CTDSPL2: variants seen among roughly 807,000 people sequenced by gnomAD.
The protein encoded by CTDSPL2 is CTD small phosphatase-like protein 2.
A neutral mutation model predicts 60.0 loss-of-function variants in CTDSPL2; 5 were observed. The observed-to-expected ratio is 0.08, with a 90% confidence interval of 0.04 to 0.18. The LOEUF is 0.18. Ranked by LOEUF, CTDSPL2 falls within the 10% of genes least tolerant of loss-of-function variation. CTDSPL2 has a pLI of 1.00. For missense variants in CTDSPL2, 370 were observed against 548.8 expected (o/e 0.67, Z 3.26); for synonymous variants, 186 against 189.3 (o/e 0.98, Z 0.14).
intron 2 of CTDSPL2, among the ~76,000 whole-genome samples, chr15:44,462,306 G>C (rs551364513): frequency 1.3e-5 from 2 of 152,148 alleles, no homozygotes; most frequent in African/African-American, 4.8e-5. Flanking sequence ...CTGTTGGTCA[G>C]CAAATTTTGG....
At chr15:44,428,537 A>G (rs187724711) in intron 1 of CTDSPL2, among the ~76,000 whole-genome samples, 1 of 152,368 alleles carries the variant, frequency 6.6e-6, no homozygotes, top group Admixed American at 6.5e-5. Flanking sequence ...TGTGTGAATG[A>G]TGTTAAACAC....
Position 44,477,626 on chromosome 15 carries a change from C to G in CTDSPL2, c.187-6598C>G, listed in dbSNP as rs376013123. ...CCAAGGTGGGCAGATCACCTGAGGTCGGGAGTTCAAGACCAGCCTGACCAA... is the reference window on the plus strand; with the variant it reads ...CCAAGGTGGGCAGATCACCTGAGGTGGGGAGTTCAAGACCAGCCTGACCAA... On this transcript the variant is annotated intron_variant, in intron 2 of 12. Coordinates refer to ENST00000260327, the MANE Select transcript of CTDSPL2 (RefSeq NM_016396.3). Among the ~76,000 whole-genome samples the G allele has an allele frequency of 2.0e-5, 3 of 151,874 alleles. No homozygotes were observed. In the East Asian group the frequency reaches 5.8e-4, roughly 29 times the overall value.
Position 44,525,571 on chromosome 15 carries a change from A to G in CTDSPL2, c.*1397A>G. ...TCTAAAGAGAAGTTTGATATTTTGT[A>G]TGCTTGTTAAGAAAGTACAGTATTG... is the stretch of plus-strand genomic sequence containing the variant. On this transcript the variant is annotated 3_prime_UTR_variant, in exon 13 of 13. Coordinates refer to ENST00000260327, the MANE Select transcript of CTDSPL2 (RefSeq NM_016396.3). 5.0e-6 allele frequency: 2 copies of G among 398,408 alleles called. No individual in the cohort carries two copies. Among genetic ancestry groups the G allele is most frequent in the East Asian group, 3.6e-5 (1 of 28,044 alleles). The allele number at this position is 398,408 out of a possible 1,614,324, so 24.7% of individuals were successfully genotyped here.
intron 8 of CTDSPL2, among the ~76,000 whole-genome samples, chr15:44,510,047 C>T (rs192264789): frequency 7.9e-5 from 12 of 151,340 alleles, no homozygotes; most frequent in Admixed American, 3.9e-4. Flanking sequence ...AGTGCAGTAG[C>T]GCATCTTGGC....
rs971892136 is a variant in CTDSPL2 at position 44,526,812 on chromosome 15, ACT to A, written c.*2641_*2642del. On this transcript the variant is annotated 3_prime_UTR_variant, in exon 13 of 13. Transcript: ENST00000260327. ...CCTTCAGCTCACACAGGAAACATGA[ACT>A]CTTAAAAAACTGACTAGTAAATGCA... The A allele has an allele frequency of 2.0e-5, 3 of 152,310 alleles. No individual in the cohort carries two copies. Among genetic ancestry groups the A allele is most frequent in the Admixed American group, 2.0e-4 (3 of 15,260 alleles). 9.4% of individuals were successfully genotyped at this position (152,310 alleles called of 1,614,324 possible).
chr15:44,446,050 C>T (rs930595802), intron 1 of CTDSPL2, among the ~76,000 whole-genome samples: 1 of 151,604 alleles, frequency 6.6e-6, no homozygotes, highest in Non-Finnish European at 1.5e-5. Flanking sequence ...CTCAGCCTCC[C>T]AAGTAGCTGG....
intron 1 of CTDSPL2, chr15:44,448,573 C>T (rs189165608): frequency 7.9e-5 from 23 of 291,576 alleles, no homozygotes; most frequent in African/African-American, 4.8e-4. Flanking sequence ...CTTTATTCTG[C>T]CCATGTTCAT....
At chr15:44,474,932 T>A (rs2080885670) in intron 2 of CTDSPL2, among the ~76,000 whole-genome samples, 2 of 152,072 alleles carry the variant, frequency 1.3e-5, no homozygotes, top group South Asian at 4.1e-4. Flanking sequence ...TGCTCTTGCA[T>A]AGCTAGCACA....
chr15:44,466,818 AG>A (rs2080705335), intron 2 of CTDSPL2, among the ~76,000 whole-genome samples: 6 of 151,654 alleles, frequency 4.0e-5, no homozygotes, highest in African/African-American at 7.3e-5. Flanking sequence ...GGGCGCCTGT[AG>A]TCCCAGCTAC....
chr15:44,463,110 A>G (rs1464344836), intron 2 of CTDSPL2, among the ~76,000 whole-genome samples: 1 of 152,110 alleles, frequency 6.6e-6, no homozygotes, highest in East Asian at 1.9e-4. Context: ...ATGTTACATA[A>G]GATCGGGCAA....
chr15:44,474,626 C>A (rs2080878599), intron 2 of CTDSPL2, among the ~76,000 whole-genome samples: 1 of 152,138 alleles, frequency 6.6e-6, no homozygotes, highest in African/African-American at 2.4e-5. Flanking sequence ...GAGGCTGAGG[C>A]AGGCGGATCA....
In CTDSPL2 at chr15:44,427,640, G is replaced by A. The variant is rs1288618526; in HGVS notation, c.-157G>A. The A allele has an allele frequency of 1.0e-5, 4 of 399,270 alleles. No individual in the cohort carries two copies. Among genetic ancestry groups the A allele is most frequent in the Non-Finnish European group, 1.3e-5 (3 of 226,228 alleles). 24.7% of individuals were successfully genotyped at this position (399,270 alleles called of 1,614,324 possible). A position where few individuals can be genotyped will look rare whatever the true frequency, so the allele number is the denominator to read the frequency against. The stretch of plus-strand genomic sequence containing the variant: ...CCTGTCCGTGCGGTGCAGCAGGTCG[G>A]TAGGCGGGAAATGGCGACTGGCTGA... On this transcript the variant is annotated 5_prime_UTR_variant, in exon 1 of 13. Transcript: ENST00000260327.
chr15:44,445,087 G>A (rs1334313685), intron 1 of CTDSPL2, among the ~76,000 whole-genome samples: 4 of 151,384 alleles, frequency 2.6e-5, no homozygotes, highest in Non-Finnish European at 5.9e-5. Context: ...CTTGTGATCC[G>A]CCCGCCTCGG....
At chr15:44,461,072 C>A (rs938466082) in intron 2 of CTDSPL2, among the ~76,000 whole-genome samples, 3 of 152,150 alleles carry the variant, frequency 2.0e-5, no homozygotes, top group African/African-American at 7.2e-5. Flanking sequence ...TTATACAGGG[C>A]AGCTATTTCT....
At chr15:44,521,863 G>A (rs1864200315) in intron 12 of CTDSPL2, among the ~76,000 whole-genome samples, 1 of 148,922 alleles carries the variant, frequency 6.7e-6, no homozygotes. Flanking sequence ...GCGTGAACCC[G>A]GGAGGCGGAG....
intron 1 of CTDSPL2, among the ~76,000 whole-genome samples, chr15:44,453,505 A>G (rs1308613763): frequency 6.6e-6 from 1 of 151,868 alleles, no homozygotes; most frequent in African/African-American, 2.4e-5. Flanking sequence ...TACATGTGCC[A>G]TGTTGGTGTG....
At chr15:44,509,728 C>T (rs2081533909) in intron 8 of CTDSPL2, among the ~76,000 whole-genome samples, 1 of 151,908 alleles carries the variant, frequency 6.6e-6, no homozygotes, top group African/African-American at 2.4e-5. Context: ...AGGCAGATCA[C>T]TTGCCTTGCT....
intron 2 of CTDSPL2, among the ~76,000 whole-genome samples, chr15:44,465,816 C>T (rs180981529): frequency 4.7e-5 from 7 of 149,842 alleles, no homozygotes; most frequent in East Asian, 3.9e-4. Flanking sequence ...TGGTTTTAAG[C>T]GATTCTCCTG....
intron 1 of CTDSPL2, among the ~76,000 whole-genome samples, chr15:44,457,960 T>C (rs1318384871): frequency 6.6e-6 from 1 of 152,208 alleles, no homozygotes; most frequent in Non-Finnish European, 1.5e-5. Flanking sequence ...TATGATTGTT[T>C]TGTTGAGTTA....
Sources: allele counts gnomAD v4.1 joint callset (sites outside exome capture counted in the v4.1 genomes callset), GRCh38; gene constraint gnomAD v4.1.1; transcripts MANE v1.5; gene names NCBI Gene and HGNC (gene_info 2026-07-23, HGNC 2026-07-21).